The following LAMA3 variants were observed in gnomAD, a reference collection of about 807,000 sequenced individuals.
LAMA3 encodes the protein laminin subunit alpha 3.
LAMA3 carries 281 observed loss-of-function variants against 402.0 expected under a neutral mutation model. The observed-to-expected ratio is 0.70, with a 90% CI of 0.63 to 0.77. The LOEUF (loss-of-function observed/expected upper bound fraction) is 0.77. LAMA3 is among the 30% of genes least tolerant of loss of function. LAMA3 has a pLI of 0.00. For missense variants in LAMA3, 3,840 were observed against 4,215.5 expected (o/e 0.91, Z 2.47); for synonymous variants, 1,431 against 1,558.4 (o/e 0.92, Z 1.93).
intron 26 of LAMA3, 76 bp downstream of exon 26, chr18:23,838,954 C>T: frequency 1.1e-6 from 1 of 896,816 alleles, no homozygotes; most frequent in South Asian, 1.3e-5. Flanking sequence ...AAACTTTATA[C>T]TCAACGTCAG....
intron 37 of LAMA3, among the ~76,000 whole-genome samples, chr18:23,869,598 T>C (rs1430127299): frequency 6.6e-6 from 1 of 152,222 alleles, no homozygotes; most frequent in African/African-American, 2.4e-5. Context: ...GCATCATATT[T>C]GTATGTTAGT....
chr18:23,744,914 CT>C (rs1483206281), intron 2 of LAMA3, among the ~76,000 whole-genome samples: 1 of 151,254 alleles, frequency 6.6e-6, no homozygotes, highest in Non-Finnish European at 1.5e-5. Flanking sequence ...CAAAAGAGAC[CT>C]GACGACTCAC....
intron 68 of LAMA3, 74 bp downstream of exon 68, chr18:23,939,460 T>G: frequency 6.9e-7 from 1 of 1,453,228 alleles, no homozygotes; most frequent in Non-Finnish European, 9.6e-7. Flanking sequence ...GAAGTCTGAC[T>G]GCCATGACAC....
At chr18:23,901,092 C>G (rs1454928784) in intron 47 of LAMA3, 35 bp from the exon 48 acceptor site, 1 of 1,568,260 alleles carries the variant, frequency 6.4e-7, no homozygotes, top group Non-Finnish European at 8.8e-7. Context: ...GTATGCTCAT[C>G]TGTCAAATAG....
intron 55 of LAMA3, among the ~76,000 whole-genome samples, chr18:23,909,862 T>C (rs376271644): frequency 6.6e-6 from 1 of 152,230 alleles, no homozygotes; most frequent in East Asian, 1.9e-4. Context: ...CAATAACTCC[T>C]AGACAGCCCT....
chr18:23,745,373 T>A (rs2061636258), intron 2 of LAMA3, among the ~76,000 whole-genome samples: 1 of 152,156 alleles, frequency 6.6e-6, no homozygotes, highest in Non-Finnish European at 1.5e-5. Flanking sequence ...AAGTACAACT[T>A]TAGAAAACCA....
At chr18:23,730,241 C>T (rs148508252) in intron 2 of LAMA3, among the ~76,000 whole-genome samples, 1 of 152,202 alleles carries the variant, frequency 6.6e-6, no homozygotes, top group East Asian at 1.9e-4. Flanking sequence ...ACATTTCATC[C>T]CTATCTGTAA....
chr18:23,771,223 C>G (rs2062191865), intron 8 of LAMA3, among the ~76,000 whole-genome samples: 1 of 152,152 alleles, frequency 6.6e-6, no homozygotes, highest in East Asian at 1.9e-4. Flanking sequence ...TGTGGAGCAA[C>G]AGAGAGGAAG....
rs990891752 is a variant in LAMA3, at chr18:23,837,521, TA to T, written c.3093+440del. ...TTTTAAAGCTTATAATTACCTAGTT[TA>T]AAAAAAACTAAAAAACTATTTCAAA... On this transcript the variant is annotated intron_variant, in intron 25 of 74. Transcript: ENST00000313654. Among the ~76,000 whole-genome samples the T allele has an allele frequency of 4.9e-5, 7 of 141,598 alleles. No individual in the cohort carries two copies. The East Asian group carries it at 1.0e-3, about 20-fold the overall frequency. The allele number at this position is 141,598 out of a possible 152,430, so 92.9% of individuals were successfully genotyped here.
intron 25 of LAMA3, chr18:23,837,345 TCTA>T: frequency 2.2e-6 from 1 of 454,500 alleles, no homozygotes; most frequent in Non-Finnish European, 4.0e-6. Context: ...TTTATTCATT[TCTA>T]CTATTATAAA....
At chr18:23,712,113 G>A (rs893530468) in intron 1 of LAMA3, among the ~76,000 whole-genome samples, 4 of 152,158 alleles carry the variant, frequency 2.6e-5, no homozygotes, top group Non-Finnish European at 4.4e-5. Flanking sequence ...GGGTGCGGTG[G>A]CTAATGCCTG....
chr18:23,888,624 A>G (rs1048379100), intron 41 of LAMA3, among the ~76,000 whole-genome samples: 1 of 152,212 alleles, frequency 6.6e-6, no homozygotes, highest in African/African-American at 2.4e-5. Context: ...TAGAGATAGG[A>G]GTCCAGCCAG....
intron 1 of LAMA3, among the ~76,000 whole-genome samples, chr18:23,702,472 C>T (rs1224987186): frequency 6.6e-6 from 1 of 152,060 alleles, no homozygotes; most frequent in Non-Finnish European, 1.5e-5. Flanking sequence ...TACAGGTGTG[C>T]ACCACCATGC....
intron 62 of LAMA3, among the ~76,000 whole-genome samples, chr18:23,925,615 T>C (rs765295091): frequency 3.3e-5 from 5 of 152,150 alleles, no homozygotes; most frequent in Non-Finnish European, 7.3e-5. Flanking sequence ...TGTGGACAGA[T>C]TGGCCCAAAG....
chr18:23,899,538 C>T (rs2080996730), intron 47 of LAMA3, 83 bp downstream of exon 47: 18 of 1,366,634 alleles, frequency 1.3e-5, no homozygotes, highest in South Asian at 3.7e-5. Context: ...TAGAGTTCCC[C>T]GTTATAGGTG....
chr18:23,781,082 G>A (rs2062427573), intron 11 of LAMA3, among the ~76,000 whole-genome samples: 1 of 152,208 alleles, frequency 6.6e-6, no homozygotes, highest in South Asian at 2.1e-4. Context: ...ACTTCGTAAT[G>A]AGGTGTGGGA....
At chr18:23,804,270 C>T (rs1376859392) in intron 12 of LAMA3, among the ~76,000 whole-genome samples, 1 of 152,166 alleles carries the variant, frequency 6.6e-6, no homozygotes, top group Non-Finnish European at 1.5e-5. Context: ...TCCCTATCTG[C>T]CACTGACACT....
rs868360212 is a variant in LAMA3 at position 23,907,777 on chromosome 18, G to A, written c.6857G>A (p.Ser2286Asn). The A allele has an allele frequency of 2.5e-6, 4 of 1,614,174 alleles. No homozygotes were observed. The highest frequency in any genetic ancestry group is 2.2e-5 in the East Asian group (1 of 44,880). ...TTAGGTGATATTGATGCTATGATCA[G>A]TAGTGCAAAGAGCATGGTCAGAAAG... ...IQRGDIDAMI[S>N]SAKSMVRKAN... Residue 2286 changes from serine to asparagine, a missense_variant, in exon 54 of 75, where the codon AGT becomes AAT. Physicochemically the swap from Ser to Asn is conservative, Grantham distance 46. Coordinates refer to ENST00000313654, the MANE Select transcript of LAMA3 (RefSeq NM_198129.4).
chr18:23,782,050 C>A (rs1000347826), intron 11 of LAMA3, among the ~76,000 whole-genome samples: 1 of 152,022 alleles, frequency 6.6e-6, no homozygotes, highest in Non-Finnish European at 1.5e-5. Context: ...TAGTTACTAA[C>A]GTTTTATTTG....
Sources: gnomAD v4.1 joint callset for allele counts (sites outside exome capture counted in the v4.1 genomes callset) on GRCh38, gnomAD v4.1.1 for gene constraint, MANE v1.5 for transcripts, NCBI Gene and HGNC (gene_info 2026-07-23, HGNC 2026-07-21) for gene names.